KREMEN1: variants seen among roughly 807,000 people sequenced by gnomAD.
KREMEN1 encodes the protein kremen protein 1.
Under a neutral mutation model 46.5 loss-of-function variants are expected in KREMEN1, and 30 were observed. The ratio of observed to expected loss-of-function variants is 0.65; its 90% CI spans 0.48 to 0.88. KREMEN1 has a LOEUF of 0.88. Among genes scored for constraint, KREMEN1 ranks in the 40% least tolerant of loss-of-function variants. The pLI is 0.00. For missense variants in KREMEN1, 533 were observed against 596.9 expected, an observed-to-expected ratio of 0.89 and a Z score of 1.11; for synonymous variants, 214 against 230.6, an observed-to-expected ratio of 0.93 and a Z score of 0.65.
intron 5 of KREMEN1, among the ~76,000 whole-genome samples, chr22:29,132,131 C>T (rs1424907308): frequency 6.6e-6 from 1 of 152,054 alleles, no homozygotes; most frequent in Non-Finnish European, 1.5e-5. Flanking sequence ...CTTTTCCTCC[C>T]AAAGTGCTGG....
intron 3 of KREMEN1, among the ~76,000 whole-genome samples, chr22:29,114,560 A>C (rs2038207153): frequency 1.3e-5 from 2 of 151,770 alleles, no homozygotes; most frequent in African/African-American, 4.8e-5. Context: ...CGGACACAGC[A>C]AGAAGGTTTT....
chr22:29,161,463 C>T (rs371414583), intron 9 of KREMEN1, among the ~76,000 whole-genome samples: 2 of 129,322 alleles, frequency 1.5e-5, no homozygotes, highest in South Asian at 2.6e-4. Flanking sequence ...GCTGAGATTG[C>T]GCCACTGCAC....
At chr22:29,147,920 T>G (rs1300931806), downstream of KREMEN1, among the ~76,000 whole-genome samples, 2 of 152,242 alleles carry the variant, frequency 1.3e-5, no homozygotes. Flanking sequence ...GAGACAGTTA[T>G]AGTACCTGCC....
chr22:29,079,075 C>T (rs2037615937), intron 1 of KREMEN1, among the ~76,000 whole-genome samples: 2 of 152,174 alleles, frequency 1.3e-5, no homozygotes, highest in Admixed American at 1.3e-4. Context: ...CAACCCTTAC[C>T]TCACCTTCTG....
intron 7 of KREMEN1, among the ~76,000 whole-genome samples, chr22:29,139,769 G>T (rs555458446): frequency 6.6e-4 from 100 of 152,326 alleles, no homozygotes; most frequent in Middle Eastern, 3.4e-3. Flanking sequence ...AGTATCCTCA[G>T]TGGTGACCTA....
intron 2 of KREMEN1, among the ~76,000 whole-genome samples, chr22:29,095,150 A>T (rs969283204): frequency 2.6e-5 from 4 of 152,128 alleles, no homozygotes; most frequent in African/African-American, 7.2e-5. Flanking sequence ...GAAGCTGCCT[A>T]CATTGTTGTG....
intron 4 of KREMEN1, among the ~76,000 whole-genome samples, chr22:29,121,973 A>G (rs2038364080): frequency 6.6e-6 from 1 of 152,242 alleles, no homozygotes; most frequent in Non-Finnish European, 1.5e-5. Context: ...GGTAAATTGA[A>G]CTTATCAATA....
intron 6 of KREMEN1, 119 bp from the exon 7 acceptor site, chr22:29,138,505 G>A: frequency 9.6e-7 from 1 of 1,043,202 alleles, no homozygotes; most frequent in Non-Finnish European, 1.5e-6. Context: ...CCTATGGAAG[G>A]AATTGCACCC....
At chr22:29,077,773 A>C (rs962758213) in intron 1 of KREMEN1, among the ~76,000 whole-genome samples, 1 of 152,176 alleles carries the variant, frequency 6.6e-6, no homozygotes, top group Non-Finnish European at 1.5e-5. Context: ...CTGGTCTAGA[A>C]AAGGTGAGAA....
chr22:29,082,685 G>T (rs2037674259), intron 1 of KREMEN1, among the ~76,000 whole-genome samples: 1 of 152,194 alleles, frequency 6.6e-6, no homozygotes, highest in Non-Finnish European at 1.5e-5. Context: ...TGGAAACAGG[G>T]CTATGTGCTT....
At chr22:29,139,476 G>A (rs1212737550) in intron 7 of KREMEN1, among the ~76,000 whole-genome samples, 1 of 152,124 alleles carries the variant, frequency 6.6e-6, no homozygotes, top group Non-Finnish European at 1.5e-5. Flanking sequence ...GGTGGTGCAC[G>A]CTTGTGGTCC....
At chr22:29,159,685 C>G (rs1396010299) in intron 9 of KREMEN1, among the ~76,000 whole-genome samples, 6 of 152,154 alleles carry the variant, frequency 3.9e-5, no homozygotes, top group African/African-American at 1.4e-4. Context: ...GTTTCAGACT[C>G]TCCTTGCTAA....
intron 5 of KREMEN1, among the ~76,000 whole-genome samples, chr22:29,136,638 C>A (rs2038662299): frequency 6.6e-6 from 1 of 151,896 alleles, no homozygotes; most frequent in African/African-American, 2.4e-5. Context: ...GTTCTAAGAT[C>A]TTGTTTACAT....
Position 29,143,470 on chromosome 22 carries a change from C to T in KREMEN1, c.*1358C>T, listed in dbSNP as rs1245745081. ...TAAAAAACACCCCAAGGGCCGGGCG[C>T]GGTGGCTCATGCCTGTAATCCCAGC... On this transcript the variant is annotated 3_prime_UTR_variant, in exon 9 of 9. Transcript: ENST00000400335. The T allele has an allele frequency of 9.1e-6, 9 of 985,198 alleles. No homozygotes were observed. Among genetic ancestry groups the T allele is most frequent in the South Asian group, 9.4e-5 (2 of 21,278 alleles). 61.0% of individuals were successfully genotyped at this position (985,198 alleles called of 1,614,324 possible). A position where few individuals can be genotyped will look rare whatever the true frequency, so the allele number is the denominator to read the frequency against.
chr22:29,102,205 C>T (rs1018669121), intron 3 of KREMEN1, among the ~76,000 whole-genome samples: 7 of 152,158 alleles, frequency 4.6e-5, no homozygotes, highest in Non-Finnish European at 1.0e-4. Flanking sequence ...CCTGGAATAG[C>T]ATCTGAATGC....
chr22:29,076,502 A>C (rs546033676), intron 1 of KREMEN1, among the ~76,000 whole-genome samples: 1 of 152,238 alleles, frequency 6.6e-6, no homozygotes, highest in Non-Finnish European at 1.5e-5. Context: ...TCGACCTGCT[A>C]TCAAAGACCT....
intron 1 of KREMEN1, among the ~76,000 whole-genome samples, chr22:29,083,570 G>A (rs1319621498): frequency 2.6e-5 from 4 of 152,318 alleles, no homozygotes; most frequent in South Asian, 2.1e-4. Flanking sequence ...AGTGGCTCAC[G>A]CCTGTAATCC....
rs527315297 is a variant in KREMEN1, at chr22:29,146,191, T to C, written c.*4079T>C. ...GGCTTTTGTTCCTACCTTGGGAGTT[T>C]GGATTGTTTCCTCTGGTGTCTTTGT... On this transcript the variant is annotated 3_prime_UTR_variant, in exon 9 of 9. Coordinates refer to ENST00000400335, the MANE Select transcript of KREMEN1 (RefSeq NM_001039570.3). 26 of 963,164 alleles carry C rather than the reference T, an allele frequency of 2.7e-5. No individual in the cohort carries two copies. In the South Asian group the frequency reaches 1.2e-3, roughly 45 times the overall value. 59.7% of individuals were successfully genotyped at this position (963,164 alleles called of 1,614,324 possible).
At chr22:29,166,755 A>G (rs1171679709) in intron 9 of KREMEN1, among the ~76,000 whole-genome samples, 3 of 151,900 alleles carry the variant, frequency 2.0e-5, no homozygotes, top group Non-Finnish European at 4.4e-5. Context: ...CCTGGGCAAT[A>G]TAGTGAGACC....
Sources: allele counts gnomAD v4.1 joint callset (sites outside exome capture counted in the v4.1 genomes callset), GRCh38; gene constraint gnomAD v4.1.1; transcripts MANE v1.5; gene names NCBI Gene and HGNC (gene_info 2026-07-23, HGNC 2026-07-21).